EFNA5: variants seen among roughly 807,000 people sequenced by gnomAD.
The protein encoded by EFNA5 is ephrin A5, also known as ephrin-A5.
A neutral mutation model predicts 22.9 loss-of-function variants in EFNA5; 5 were observed. The observed-to-expected ratio is 0.22, with a 90% CI of 0.11 to 0.46. The LOEUF (loss-of-function observed/expected upper bound fraction) is 0.46, where lower values mean the gene tolerates loss of function less well. Among genes scored for constraint, EFNA5 ranks in the 20% least tolerant of loss-of-function variants. The pLI, the probability that EFNA5 is intolerant of heterozygous loss-of-function variation, is 0.99. For synonymous variants in EFNA5, 113 were observed against 112.2 expected, an observed-to-expected ratio of 1.01 and a Z score of -0.04; for missense variants, 237 against 293.3, an observed-to-expected ratio of 0.81 and a Z score of 1.40.
chr5:107,558,652 A>C (rs1748473082), intron 1 of EFNA5, among the ~76,000 whole-genome samples: 1 of 152,226 alleles, frequency 6.6e-6, no homozygotes, highest in African/African-American at 2.4e-5. Flanking sequence ...ATTAAGGCCA[A>C]AGCTTTAGCA....
rs532069838 is a variant in EFNA5, at chr5:107,619,704, C to T, written c.125+50785G>A. 8.5e-5 allele frequency among the ~76,000 whole-genome samples: 13 copies of T among 152,132 alleles called. 1 individual carries two copies. The South Asian group carries it at 2.1e-3, about 24-fold the overall frequency. On this transcript the variant is annotated intron_variant, in intron 1 of 4. Transcript: ENST00000333274. ...GTCTTGAACTCCTGGCCTTGTGATC[C>T]GCCCACCTCAGCCTCCCAAAGTGCT...
chr5:107,580,504 C>G (rs2112493972), intron 1 of EFNA5, among the ~76,000 whole-genome samples: 1 of 152,072 alleles, frequency 6.6e-6, no homozygotes, highest in South Asian at 2.1e-4. Flanking sequence ...GCAGGCAGAT[C>G]ATGAGGTCAG....
At chr5:107,511,898 C>T (rs1336198434) in intron 1 of EFNA5, among the ~76,000 whole-genome samples, 1 of 152,186 alleles carries the variant, frequency 6.6e-6, no homozygotes, top group Non-Finnish European at 1.5e-5. Flanking sequence ...CCTGCCTACT[C>T]ACAATGCATT....
chr5:107,659,468 G>A (rs60306490), intron 1 of EFNA5, among the ~76,000 whole-genome samples: 421 of 147,646 alleles, frequency 2.9e-3, no homozygotes, highest in African/African-American at 9.9e-3. Flanking sequence ...TATCCAAGCT[G>A]CTAAAAGTTT....
intron 1 of EFNA5, among the ~76,000 whole-genome samples, chr5:107,645,409 C>T (rs2112548104): frequency 6.6e-6 from 1 of 152,234 alleles, no homozygotes; most frequent in Non-Finnish European, 1.5e-5. Context: ...TTTAAAAGTC[C>T]TTGTAAGTGG....
At chr5:107,603,997 A>T (rs187642620) in intron 1 of EFNA5, among the ~76,000 whole-genome samples, 44 of 152,332 alleles carry the variant, frequency 2.9e-4, no homozygotes, top group Non-Finnish European at 5.7e-4. Flanking sequence ...AACCATAAGG[A>T]CAAGGTAATT....
At position 107,532,245 on chromosome 5, in the gene EFNA5, G is replaced by A. The variant is rs527713541; in HGVS notation, c.126-104736C>T. 5.3e-5 allele frequency among the ~76,000 whole-genome samples: 8 copies of A among 152,350 alleles called. No individual in the cohort carries two copies. In the South Asian group the frequency reaches 1.7e-3, roughly 32 times the overall value. On this transcript the variant is annotated intron_variant, in intron 1 of 4. Coordinates refer to ENST00000333274, the MANE Select transcript of EFNA5 (RefSeq NM_001962.3). The stretch of plus-strand genomic sequence containing the variant: ...TGAACGCTGCATGAGACAATTATTA[G>A]TGGAGAGCTTTGACTAAAGGTGAAT...
At position 107,595,967 on chromosome 5, in the gene EFNA5, T is replaced by C. The variant is rs113906644; in HGVS notation, c.125+74522A>G. ...GCTGGCAATAAGCAAAAGGCTTACA[T>C]TTACTCCAAATATTTATTTTTTTAA... On this transcript the variant is annotated intron_variant, in intron 1 of 4. Coordinates refer to ENST00000333274, the MANE Select transcript of EFNA5 (RefSeq NM_001962.3). 2.0e-3 allele frequency among the ~76,000 whole-genome samples: 310 copies of C among 152,302 alleles called. 1 individual carries two copies. The highest frequency in any genetic ancestry group is 6.8e-3 in the African/African-American group (284 of 41,566).
At chr5:107,544,328 G>A (rs1181523276) in intron 1 of EFNA5, among the ~76,000 whole-genome samples, 2 of 152,234 alleles carry the variant, frequency 1.3e-5, no homozygotes, top group African/African-American at 2.4e-5. Context: ...ATCTCTCAAC[G>A]CGTAGTGCAC....
intron 1 of EFNA5, among the ~76,000 whole-genome samples, chr5:107,458,246 C>T (rs1426064590): frequency 6.6e-6 from 1 of 152,128 alleles, no homozygotes; most frequent in Non-Finnish European, 1.5e-5. Context: ...TTTAATCAGT[C>T]ATTCAAACAC....
At chr5:107,586,836 G>A (rs959577650) in intron 1 of EFNA5, among the ~76,000 whole-genome samples, 4 of 152,158 alleles carry the variant, frequency 2.6e-5, no homozygotes, top group Non-Finnish European at 4.4e-5. Flanking sequence ...TTTGTCTTCA[G>A]AAGTTTTCAG....
chr5:107,399,887 T>C lies in EFNA5; in HGVS notation c.419-12116A>G, dbSNP rs1009667403. 2.0e-5 allele frequency among the ~76,000 whole-genome samples: 3 copies of C among 152,308 alleles called. No individual in the cohort carries two copies. In the South Asian group the frequency reaches 6.2e-4, roughly 32 times the overall value. On this transcript the variant is annotated intron_variant, in intron 2 of 4. Coordinates refer to ENST00000333274, the MANE Select transcript of EFNA5 (RefSeq NM_001962.3). ...AAACTGTGGGATAACTTTGGCCAAC[T>C]TGAGTAACCGGTCAGACAAGCAATT...
intron 2 of EFNA5, among the ~76,000 whole-genome samples, chr5:107,401,839 A>C (rs1748095177): frequency 6.6e-6 from 1 of 152,178 alleles, no homozygotes; most frequent in Non-Finnish European, 1.5e-5. Context: ...GCTCCGGGGA[A>C]GTTGGCCCTC....
intron 1 of EFNA5, among the ~76,000 whole-genome samples, chr5:107,555,445 T>C (rs963925296): frequency 6.6e-6 from 1 of 152,228 alleles, no homozygotes; most frequent in Non-Finnish European, 1.5e-5. Context: ...GTGTTACATA[T>C]TTAATTTCAT....
chr5:107,624,281 C>T (rs1750100247), intron 1 of EFNA5, among the ~76,000 whole-genome samples: 1 of 152,140 alleles, frequency 6.6e-6, no homozygotes, highest in Non-Finnish European at 1.5e-5. Context: ...AAACATCCTT[C>T]ACACATTTTC....
chr5:107,635,830 T>C (rs1750361226), intron 1 of EFNA5, among the ~76,000 whole-genome samples: 1 of 152,212 alleles, frequency 6.6e-6, no homozygotes, highest in African/African-American at 2.4e-5. Flanking sequence ...GCATTCATCC[T>C]TAGGATGGAT....
At chr5:107,497,476 TAG>T (rs1340473453) in intron 1 of EFNA5, among the ~76,000 whole-genome samples, 2 of 152,200 alleles carry the variant, frequency 1.3e-5, no homozygotes, top group Non-Finnish European at 2.9e-5. Context: ...ATTTTTTGAA[TAG>T]ATAGAAACTT....
chr5:107,466,211 C>T (rs2112460818), intron 1 of EFNA5, among the ~76,000 whole-genome samples: 1 of 152,272 alleles, frequency 6.6e-6, no homozygotes, highest in South Asian at 2.1e-4. Flanking sequence ...TTTCATGATA[C>T]CAAAGTTCCA....
intron 1 of EFNA5, among the ~76,000 whole-genome samples, chr5:107,474,332 C>T (rs140561169): frequency 6.6e-4 from 101 of 152,296 alleles, no homozygotes; most frequent in African/African-American, 2.3e-3. Context: ...AAAGCACCCA[C>T]GCCTTTGTCA....
Sources: allele counts gnomAD v4.1 joint callset (sites outside exome capture counted in the v4.1 genomes callset), GRCh38; gene constraint gnomAD v4.1.1; transcripts MANE v1.5; gene names NCBI Gene and HGNC (gene_info 2026-07-23, HGNC 2026-07-21).